Variants in CACNA2D3 observed in about 807,000 individuals in gnomAD.
CACNA2D3 encodes the protein calcium voltage-gated channel auxiliary subunit alpha2delta 3.
Under a neutral mutation model 160.6 loss-of-function variants are expected in CACNA2D3, and 60 were observed. That is an observed-to-expected ratio of 0.37 (90% CI 0.30 to 0.46). CACNA2D3 has a LOEUF of 0.46. Among genes scored for constraint, CACNA2D3 ranks in the 20% least tolerant of loss-of-function variants. The pLI, the probability that CACNA2D3 is intolerant of heterozygous loss-of-function variation, is 1.00. For synonymous variants in CACNA2D3, 558 were observed against 492.9 expected, an observed-to-expected ratio of 1.13 and a Z score of -1.75; for missense variants, 1,205 against 1,365.0, an observed-to-expected ratio of 0.88 and a Z score of 1.85.
At chr3:54,298,261 TG>T (rs1298043373) in intron 2 of CACNA2D3, among the ~76,000 whole-genome samples, 1 of 152,202 alleles carries the variant, frequency 6.6e-6, no homozygotes, top group Non-Finnish European at 1.5e-5. Flanking sequence ...ACAAAGCCAG[TG>T]GTGGCAAAAT....
chr3:55,019,662 G>T (rs151004368), intron 35 of CACNA2D3, among the ~76,000 whole-genome samples: 119 of 152,168 alleles, frequency 7.8e-4, no homozygotes, highest in African/African-American at 2.6e-3. Flanking sequence ...GTTTGTGTAT[G>T]GATGCTCTTG....
intron 35 of CACNA2D3, among the ~76,000 whole-genome samples, chr3:55,050,768 C>T (rs1704183167): frequency 1.5e-5 from 2 of 131,034 alleles, no homozygotes; most frequent in South Asian, 2.4e-4. Context: ...GGTCTTTTCA[C>T]ATAGTCCCAT....
intron 2 of CACNA2D3, among the ~76,000 whole-genome samples, chr3:54,157,992 A>G (rs976090474): frequency 6.6e-6 from 1 of 152,244 alleles, no homozygotes; most frequent in East Asian, 1.9e-4. Flanking sequence ...ACTATTTCAG[A>G]AGGAAATTGC....
At chr3:54,286,019 T>C (rs1210446917) in intron 2 of CACNA2D3, among the ~76,000 whole-genome samples, 13 of 151,998 alleles carry the variant, frequency 8.6e-5, no homozygotes, top group South Asian at 4.2e-4. Context: ...AAAAGCAGAG[T>C]GCCTCTCCTC....
intron 26 of CACNA2D3, among the ~76,000 whole-genome samples, chr3:54,897,120 T>A (rs567582962): frequency 1.3e-5 from 2 of 152,330 alleles, no homozygotes; most frequent in South Asian, 2.1e-4. Context: ...ATGTTTTGCA[T>A]CCTATGGGAT....
chr3:54,864,604 G>A (rs890124439), intron 17 of CACNA2D3, among the ~76,000 whole-genome samples: 1 of 152,134 alleles, frequency 6.6e-6, no homozygotes, highest in African/African-American at 2.4e-5. Flanking sequence ...CCTCTCCCTG[G>A]CCACCAAGCT....
intron 27 of CACNA2D3, chr3:54,927,774 A>G: frequency 1.0e-6 from 1 of 973,522 alleles, no homozygotes. Flanking sequence ...CCATGCAGAG[A>G]CATTTTTCAT....
At chr3:54,864,974 C>T (rs1699367761) in intron 17 of CACNA2D3, among the ~76,000 whole-genome samples, 2 of 152,330 alleles carry the variant, frequency 1.3e-5, no homozygotes, top group Admixed American at 6.5e-5. Context: ...GAGACACGTA[C>T]CGCTGTTAGC....
intron 2 of CACNA2D3, among the ~76,000 whole-genome samples, chr3:54,156,914 A>AT (rs1284825527): frequency 6.6e-6 from 1 of 152,190 alleles, no homozygotes; most frequent in African/African-American, 2.4e-5. Context: ...AATGATCATT[A>AT]TTTTTTTAAG....
At chr3:54,350,504 G>A (rs9311528) in intron 3 of CACNA2D3, among the ~76,000 whole-genome samples, 20,871 of 152,128 alleles carry the variant, frequency 0.14, 1,732 homozygotes, top group Admixed American at 0.23. Flanking sequence ...TAGGATTAGC[G>A]TTCAGAGGCT....
chr3:54,795,996 G>C (rs1264328121), intron 13 of CACNA2D3, among the ~76,000 whole-genome samples: 1 of 152,162 alleles, frequency 6.6e-6, no homozygotes, highest in African/African-American at 2.4e-5. Flanking sequence ...TGTAGTTTGA[G>C]AGAATCAGCA....
intron 3 of CACNA2D3, among the ~76,000 whole-genome samples, chr3:54,378,441 T>G (rs1289067508): frequency 3.9e-5 from 6 of 152,148 alleles, no homozygotes; most frequent in Non-Finnish European, 7.4e-5. Flanking sequence ...GCCCAGTTCC[T>G]AACAGGCCAC....
intron 14 of CACNA2D3, among the ~76,000 whole-genome samples, chr3:54,832,682 C>T (rs1204657897): frequency 6.6e-6 from 1 of 152,218 alleles, no homozygotes; most frequent in Non-Finnish European, 1.5e-5. Flanking sequence ...CCTCTCTGCT[C>T]ACCGAATGAG....
chr3:54,784,531 C>T (rs1293012690), intron 13 of CACNA2D3, among the ~76,000 whole-genome samples: 1 of 152,076 alleles, frequency 6.6e-6, no homozygotes, highest in Non-Finnish European at 1.5e-5. Context: ...TAACCTCATC[C>T]CTCCATGCAC....
intron 11 of CACNA2D3, among the ~76,000 whole-genome samples, chr3:54,662,505 A>T (rs1699991005): frequency 6.6e-6 from 1 of 152,200 alleles, no homozygotes; most frequent in South Asian, 2.1e-4. Context: ...GACCTCTTGG[A>T]CAGGAACAGC....
chr3:54,279,366 G>A (rs955704230), intron 2 of CACNA2D3, among the ~76,000 whole-genome samples: 1 of 152,186 alleles, frequency 6.6e-6, no homozygotes, highest in African/African-American at 2.4e-5. Context: ...GACCAAACGG[G>A]ATGGCCCTAC....
chr3:54,930,494 G>C (rs1017129338), intron 27 of CACNA2D3, among the ~76,000 whole-genome samples: 11 of 152,184 alleles, frequency 7.2e-5, no homozygotes, highest in Non-Finnish European at 1.6e-4. Flanking sequence ...GGCCCAGCTG[G>C]GATCCAGATA....
intron 35 of CACNA2D3, among the ~76,000 whole-genome samples, chr3:55,063,443 A>G (rs905565159): frequency 6.6e-6 from 1 of 152,092 alleles, no homozygotes; most frequent in African/African-American, 2.4e-5. Context: ...AATATAATTT[A>G]TGTTAGGCAT....
At chr3:54,981,140 C>T (rs1343002932) in intron 29 of CACNA2D3, among the ~76,000 whole-genome samples, 3 of 152,220 alleles carry the variant, frequency 2.0e-5, no homozygotes, top group Admixed American at 2.0e-4. Flanking sequence ...GTTACAAGGT[C>T]AAGTTTCCAA....
Sources: gnomAD v4.1 joint callset for allele counts (sites outside exome capture counted in the v4.1 genomes callset) on GRCh38, gnomAD v4.1.1 for gene constraint, MANE v1.5 for transcripts, NCBI Gene and HGNC (gene_info 2026-07-23, HGNC 2026-07-21) for gene names.